Variants in SPATA9 observed in about 807,000 individuals in gnomAD.
The protein encoded by SPATA9 is spermatogenesis associated 9.
SPATA9 carries 27 observed loss-of-function variants against 25.5 expected under a neutral mutation model. The observed-to-expected ratio is 1.06, with a 90% CI of 0.78 to 1.46. The LOEUF is 1.46. Ranked by LOEUF, SPATA9 falls within the 40% of genes most tolerant of loss-of-function variation. The pLI, the probability that SPATA9 is intolerant of heterozygous loss-of-function variation, is 0.00. For missense variants in SPATA9, 282 were observed against 297.5 expected, an observed-to-expected ratio of 0.95 and a Z score of 0.38; for synonymous variants, 102 against 105.7, an observed-to-expected ratio of 0.97 and a Z score of 0.21.
chr5:95,655,519 C>T (rs1052061295), downstream of SPATA9: 1 of 152,774 alleles, frequency 6.5e-6, no homozygotes, highest in African/African-American at 2.4e-5. Context: ...GAGAGACATG[C>T]ATTGAAACAA....
chr5:95,654,033 G>T (rs368328294), downstream of SPATA9: 13 of 1,595,122 alleles, frequency 8.1e-6, no homozygotes, highest in African/African-American at 1.3e-5. Flanking sequence ...AATACTTCTT[G>T]TAACTTTCCT....
chr5:95,659,361 T>G (rs554069668), intron 4 of SPATA9: 1 of 156,326 alleles, frequency 6.4e-6, no homozygotes, highest in African/African-American at 2.4e-5. Context: ...TTTAGTAAGC[T>G]ACTATCAGTG....
At chr5:95,704,058 C>CACACAT in the SPATA9 span, among the ~76,000 whole-genome samples, 1 of 150,704 alleles carries the variant, frequency 6.6e-6, no homozygotes, top group African/African-American at 2.5e-5. Context: ...AGTGCATATA[C>CACACAT]ACACATACAC....
At chr5:95,688,260 TG>T (rs1275582788) in intron 1 of SPATA9, among the ~76,000 whole-genome samples, 1 of 152,222 alleles carries the variant, frequency 6.6e-6, no homozygotes, top group Non-Finnish European at 1.5e-5. Flanking sequence ...GTCTCTTTTT[TG>T]TGAGACAGCA....
the SPATA9 span, among the ~76,000 whole-genome samples, chr5:95,707,167 G>A: frequency 1.3e-5 from 2 of 152,172 alleles, no homozygotes; most frequent in African/African-American, 4.8e-5. Context: ...ACAGAAATCA[G>A]AAGAATTTAC....
At chr5:95,682,688 CACTT>C in intron 1 of SPATA9, 72 bp from the exon 2 acceptor site, 1 of 1,515,312 alleles carries the variant, frequency 6.6e-7, no homozygotes, top group South Asian at 1.2e-5. Context: ...GAACATGAAA[CACTT>C]GATCAAATTC....
At chr5:95,694,166 A>C (rs2112709090) in intron 1 of SPATA9, among the ~76,000 whole-genome samples, 1 of 152,290 alleles carries the variant, frequency 6.6e-6, no homozygotes, top group East Asian at 1.9e-4. Flanking sequence ...TCTCAAAAAA[A>C]AGGCAAATAA....
the SPATA9 span, among the ~76,000 whole-genome samples, chr5:95,719,321 A>G: frequency 0.038 from 5,709 of 152,030 alleles, 344 homozygotes; most frequent in African/African-American, 0.13. Context: ...TAATTAACTG[A>G]CTCTCCCTCT....
upstream of SPATA9, among the ~76,000 whole-genome samples, chr5:95,702,881 A>T (rs1754210844): frequency 6.6e-6 from 1 of 152,178 alleles, no homozygotes; most frequent in South Asian, 2.1e-4. Flanking sequence ...ACTCTGCTTC[A>T]AAAAAACAAA....
intron 3 of SPATA9, among the ~76,000 whole-genome samples, chr5:95,672,570 TAATTAGAATAAGGGC>T (rs911315962): frequency 1.2e-4 from 18 of 151,876 alleles, no homozygotes; most frequent in African/African-American, 4.4e-4. Context: ...TCACATAAGA[TAATTAGAATAAGGGC>T]AAAGAAGAAG....
chr5:95,731,531 C>T, the SPATA9 span: 2 of 1,352,608 alleles, frequency 1.5e-6, no homozygotes, highest in Non-Finnish European at 9.5e-7. Context: ...GCCCCGGCCC[C>T]GCTCTGCGTC....
chr5:95,653,352 G>A, downstream of SPATA9: 1 of 1,209,166 alleles, frequency 8.3e-7, no homozygotes, highest in East Asian at 2.6e-5. Flanking sequence ...AGACTATTCA[G>A]ACAATCAAAG....
intron 1 of SPATA9, among the ~76,000 whole-genome samples, chr5:95,697,452 G>GAC (rs1422063714): frequency 6.6e-6 from 1 of 152,258 alleles, no homozygotes; most frequent in Non-Finnish European, 1.5e-5. Context: ...GGCAAGGAGA[G>GAC]ACACACAGAG....
chr5:95,723,036 T>TAGAC, the SPATA9 span, among the ~76,000 whole-genome samples: 2 of 152,024 alleles, frequency 1.3e-5, no homozygotes, highest in African/African-American at 4.8e-5. Context: ...GAAACAAACA[T>TAGAC]AGACATTTTC....
upstream of SPATA9, among the ~76,000 whole-genome samples, chr5:95,684,326 A>G (rs1330284037): frequency 1.3e-5 from 2 of 152,228 alleles, no homozygotes; most frequent in East Asian, 3.9e-4. Flanking sequence ...CACCTGGCAG[A>G]TCCTTCTCTT....
chr5:95,700,340 C>T (rs527796137), upstream of SPATA9, among the ~76,000 whole-genome samples: 2 of 152,036 alleles, frequency 1.3e-5, no homozygotes, highest in African/African-American at 4.8e-5. Context: ...CACTCCATCA[C>T]CCAGACTGGA....
the SPATA9 span, chr5:95,713,567 G>A: frequency 6.6e-6 from 1 of 152,150 alleles, no homozygotes; most frequent in African/African-American, 2.4e-5. Flanking sequence ...CCCAGAAGCA[G>A]AATCCTGTAC....
upstream of SPATA9, among the ~76,000 whole-genome samples, chr5:95,702,725 T>C (rs1754208564): frequency 6.6e-6 from 1 of 151,948 alleles, no homozygotes. Flanking sequence ...AAAAAAAGTT[T>C]TATAAATCAA....
chr5:95,684,459 C>A (rs1270528840), upstream of SPATA9: 1 of 152,174 alleles, frequency 6.6e-6, no homozygotes, highest in Non-Finnish European at 1.5e-5. Flanking sequence ...TTCATCAGTC[C>A]TCTCCCTCCT....
Sources: allele counts gnomAD v4.1 joint callset (sites outside exome capture counted in the v4.1 genomes callset), GRCh38; gene constraint gnomAD v4.1.1; transcripts MANE v1.5; gene names NCBI Gene and HGNC (gene_info 2026-07-23, HGNC 2026-07-21).